Variants in DMXL1 observed in about 807,000 individuals in gnomAD.
The protein encoded by DMXL1 is Dmx like 1, also known as dmX-like protein 1.
DMXL1 carries 99 observed loss-of-function variants against 319.2 expected under a neutral mutation model. The ratio of observed to expected loss-of-function variants is 0.31; its 90% CI spans 0.26 to 0.37. The LOEUF is 0.37. DMXL1 is among the 10% of genes least tolerant of loss of function. DMXL1 has a pLI of 1.00. For synonymous variants in DMXL1, 1,385 were observed against 1,235.2 expected (o/e 1.12, Z -2.54); for missense variants, 3,745 against 3,595.6 (o/e 1.04, Z -1.06).
chr5:119,089,626 CTTT>C (rs199623391), intron 1 of DMXL1, among the ~76,000 whole-genome samples: 24 of 127,330 alleles, frequency 1.9e-4, no homozygotes, highest in Middle Eastern at 4.1e-3. Flanking sequence ...TTGGTACTGC[CTTT>C]TTTTTTTTTT....
At chr5:119,115,287 A>G (rs1363344955) in intron 6 of DMXL1, among the ~76,000 whole-genome samples, 1 of 152,170 alleles carries the variant, frequency 6.6e-6, no homozygotes, top group Non-Finnish European at 1.5e-5. Flanking sequence ...CTTTTAGCTG[A>G]TGTGTATTAG....
chr5:119,091,931 A>T (rs1055959578), intron 1 of DMXL1, among the ~76,000 whole-genome samples: 5 of 152,164 alleles, frequency 3.3e-5, no homozygotes, highest in Non-Finnish European at 7.4e-5. Flanking sequence ...CTGTCCTCAG[A>T]GATATTTCTT....
rs755367648 is a variant in DMXL1, at chr5:119,196,469, T to C, written c.7543+13T>C. The C allele has an allele frequency of 6.5e-7, 1 of 1,549,972 alleles. No individual in the cohort carries two copies. The highest frequency in any genetic ancestry group is 1.7e-5 in the Admixed American group (1 of 59,624). On this transcript the variant is annotated intron_variant, in intron 31 of 43. Coordinates refer to ENST00000539542, the MANE Select transcript of DMXL1 (RefSeq NM_001290321.3). ...CATGATCTTGCAGGTAATAAATAGC[T>C]CAACATGAGCTAATGGTGCCATTGC...
chr5:119,167,382 ATATATT>A (rs1341691185), intron 22 of DMXL1, among the ~76,000 whole-genome samples: 3 of 152,080 alleles, frequency 2.0e-5, no homozygotes, highest in Non-Finnish European at 2.9e-5. Flanking sequence ...GCACATATAT[ATATATT>A]TAGTACTAGA....
intron 19 of DMXL1, among the ~76,000 whole-genome samples, chr5:119,156,729 A>G (rs927562281): frequency 6.7e-6 from 1 of 150,050 alleles, no homozygotes; most frequent in Non-Finnish European, 1.5e-5. Context: ...GAATATTTTT[A>G]GATATTTGAG....
chr5:119,210,682 A>G (rs1782604281), intron 34 of DMXL1, among the ~76,000 whole-genome samples: 2 of 151,760 alleles, frequency 1.3e-5, no homozygotes, highest in African/African-American at 4.8e-5. Flanking sequence ...ATAACCTTAT[A>G]ATAAATCATG....
chr5:119,129,332 T>G lies in DMXL1; in HGVS notation c.1224T>G (p.Val408=), dbSNP rs754610362. The part of the protein sequence containing the change: ...KELHFTLSME[V]FLQQLRKSFE... ...TGCATTTTACTTTGTCCATGGAAGT[T>G]TTTTTACAGCAACTTAGAAAAAGTT... Residue 408 remains valine, a synonymous_variant, in exon 10 of 44, where the codon GTT becomes GTG. Transcript: ENST00000539542. 3 of 1,613,852 alleles carry G rather than the reference T, an allele frequency of 1.9e-6. No homozygotes were observed. Among genetic ancestry groups the G allele is most frequent in the Non-Finnish European group, 2.5e-6 (3 of 1,179,892 alleles).
intron 19 of DMXL1, 141 bp from the exon 20 acceptor site, chr5:119,164,366 A>G: frequency 1.3e-6 from 1 of 756,904 alleles, no homozygotes; most frequent in Non-Finnish European, 2.0e-6. Flanking sequence ...GAAAAACTTA[A>G]AAAAGCCCAT....
intron 10 of DMXL1, among the ~76,000 whole-genome samples, chr5:119,130,577 A>G (rs1367235189): frequency 6.6e-6 from 1 of 152,138 alleles, no homozygotes; most frequent in Non-Finnish European, 1.5e-5. Flanking sequence ...TCCTGACCTC[A>G]GGTGATCCAT....
intron 1 of DMXL1, among the ~76,000 whole-genome samples, chr5:119,085,186 C>T (rs1753084969): frequency 6.6e-6 from 1 of 151,754 alleles, no homozygotes. Context: ...AAAAAATTAG[C>T]CAGGCATGGT....
intron 9 of DMXL1, among the ~76,000 whole-genome samples, chr5:119,124,558 G>T (rs1405496764): frequency 7.1e-6 from 1 of 140,564 alleles, no homozygotes; most frequent in Non-Finnish European, 1.5e-5. Flanking sequence ...ACATTATGGT[G>T]ATGACTTTTT....
At chr5:119,096,901 G>A (rs1389335308) in intron 1 of DMXL1, among the ~76,000 whole-genome samples, 1 of 152,180 alleles carries the variant, frequency 6.6e-6, no homozygotes, top group Non-Finnish European at 1.5e-5. Flanking sequence ...CTAGAGTAGA[G>A]AACAAGATAA....
rs561190070 is a variant in DMXL1, at chr5:119,185,008, A to C, written c.7136-4700A>C. ...CTTATCCATAAAACATGCTTGACCA[A>C]ATTCTCAATATATGTATATTGATGT... On this transcript the variant is annotated intron_variant, in intron 28 of 43. Transcript: ENST00000539542. Among the ~76,000 whole-genome samples the C allele has an allele frequency of 7.7e-4, 117 of 152,262 alleles. 2 individuals carry two copies. The highest frequency in any genetic ancestry group is 2.0e-3 in the Admixed American group (30 of 15,292).
At position 119,225,039 on chromosome 5, in the gene DMXL1, A is replaced by G. The variant is rs562602812; in HGVS notation, c.8338+270A>G. 7.9e-5 allele frequency among the ~76,000 whole-genome samples: 12 copies of G among 152,146 alleles called. No individual in the cohort carries two copies. In the East Asian group the frequency reaches 2.3e-3, roughly 29 times the overall value. On this transcript the variant is annotated intron_variant, in intron 38 of 43. Transcript: ENST00000539542. The stretch of plus-strand genomic sequence containing the variant: ...AATCAAAATTTGCGACTACCAATAC[A>G]CAAAATTTGTGTATTTCTAAGTTAA...
At chr5:119,140,196 A>G (rs957181300) in intron 13 of DMXL1, among the ~76,000 whole-genome samples, 1 of 152,324 alleles carries the variant, frequency 6.6e-6, no homozygotes, top group Non-Finnish European at 1.5e-5. Flanking sequence ...ATAACCTAAC[A>G]TCACTACTGA....
At chr5:119,111,099 C>T (rs1210827075) in intron 5 of DMXL1, among the ~76,000 whole-genome samples, 1 of 152,080 alleles carries the variant, frequency 6.6e-6, no homozygotes, top group Non-Finnish European at 1.5e-5. Context: ...TTAAGATAGT[C>T]TTTTATAGCA....
intron 14 of DMXL1, 138 bp downstream of exon 14, chr5:119,144,068 A>AT: frequency 1.8e-6 from 1 of 558,602 alleles, no homozygotes; most frequent in Non-Finnish European, 3.2e-6. Flanking sequence ...ATCACATAAT[A>AT]GATAACATAT....
chr5:119,086,447 A>C (rs1275524324), intron 1 of DMXL1, among the ~76,000 whole-genome samples: 1 of 152,182 alleles, frequency 6.6e-6, no homozygotes, highest in Non-Finnish European at 1.5e-5. Flanking sequence ...TTTGGTTTGC[A>C]GGTATTTTAT....
At chr5:119,122,877 A>G (rs1328712661) in intron 9 of DMXL1, among the ~76,000 whole-genome samples, 2 of 150,372 alleles carry the variant, frequency 1.3e-5, no homozygotes, top group African/African-American at 4.9e-5. Context: ...CCAGGCAGAG[A>G]CGCTCCTTAC....
Sources: gnomAD v4.1 joint callset for allele counts (sites outside exome capture counted in the v4.1 genomes callset) on GRCh38, gnomAD v4.1.1 for gene constraint, MANE v1.5 for transcripts, NCBI Gene and HGNC (gene_info 2026-07-23, HGNC 2026-07-21) for gene names.